The following TMEM150B variants were observed in gnomAD, a reference collection of about 807,000 sequenced individuals.
TMEM150B encodes the protein modulator of macroautophagy TMEM150B.
A neutral mutation model predicts 25.2 loss-of-function variants in TMEM150B; 33 were observed. The ratio of observed to expected loss-of-function variants is 1.31; its 90% CI spans 0.99 to 1.75. TMEM150B has a LOEUF of 1.75. TMEM150B is among the 40% of genes most tolerant of loss of function. The pLI, the probability that TMEM150B is intolerant of heterozygous loss-of-function variation, is 0.00. For synonymous variants in TMEM150B, 133 were observed against 134.8 expected, an observed-to-expected ratio of 0.99 and a Z score of 0.09; for missense variants, 322 against 306.1, an observed-to-expected ratio of 1.05 and a Z score of -0.39.
At chr19:55,317,472 C>A (rs2089043841) in intron 6 of TMEM150B, among the ~76,000 whole-genome samples, 2 of 152,028 alleles carry the variant, frequency 1.3e-5, no homozygotes, top group East Asian at 3.9e-4. Flanking sequence ...ATGGCAAAAC[C>A]TCGTCTCTAC....
downstream of TMEM150B, chr19:55,312,651 G>A (rs188736090): frequency 9.1e-4 from 472 of 519,982 alleles, 3 homozygotes; most frequent in African/African-American, 6.9e-3. Context: ...GGCAGGGCCC[G>A]AAGGCGGGGA....
chr19:55,311,818 C>T (rs553063502), downstream of TMEM150B: 14 of 1,364,372 alleles, frequency 1.0e-5, no homozygotes, highest in African/African-American at 8.7e-5. Flanking sequence ...TTACTGAGAC[C>T]GACTGATGAG....
intron 6 of TMEM150B, 147 bp downstream of exon 6, chr19:55,319,892 G>C: frequency 6.9e-7 from 1 of 1,459,308 alleles, no homozygotes; most frequent in Non-Finnish European, 9.0e-7. Context: ...GCCGGTCCAA[G>C]GCCACTGGCC....
At chr19:55,313,508 C>A (rs1055780849) in intron 7 of TMEM150B, among the ~76,000 whole-genome samples, 3 of 152,164 alleles carry the variant, frequency 2.0e-5, no homozygotes, top group African/African-American at 7.2e-5. Context: ...ACAGGCCCTT[C>A]CTGCTCACTC....
chr19:55,322,821 C>T, intron 1 of TMEM150B, 78 bp from the exon 2 acceptor site: 1 of 666,160 alleles, frequency 1.5e-6, no homozygotes, highest in Non-Finnish European at 1.9e-6. Flanking sequence ...CTCTCTGTCC[C>T]CAAACCACCG....
At chr19:55,314,269 G>A (rs2088919666) in intron 7 of TMEM150B, among the ~76,000 whole-genome samples, 2 of 152,086 alleles carry the variant, frequency 1.3e-5, no homozygotes, top group Non-Finnish European at 2.9e-5. Flanking sequence ...TCATCCGCCC[G>A]CCTTAGTCTC....
At chr19:55,312,116 T>G, downstream of TMEM150B, 3 of 781,008 alleles carry the variant, frequency 3.8e-6, no homozygotes, top group Non-Finnish European at 3.9e-6. Context: ...CCCCCTTCCG[T>G]GCCCCCCAAC....
chr19:55,314,961 A>AC (rs986315745), intron 7 of TMEM150B, among the ~76,000 whole-genome samples: 1 of 151,620 alleles, frequency 6.6e-6, no homozygotes, highest in Non-Finnish European at 1.5e-5. Context: ...AATGAGAAAG[A>AC]CCCCCCAAGG....
At chr19:55,313,149 G>T (rs1033514683) in intron 7 of TMEM150B, 94 bp from the exon 8 acceptor site, 2 of 1,328,358 alleles carry the variant, frequency 1.5e-6, no homozygotes, top group Non-Finnish European at 2.0e-6. Flanking sequence ...GGCCGTCTCT[G>T]GGTGTCCCCA....
chr19:55,320,022 C>T lies in TMEM150B; in HGVS notation c.324+17G>A. 6.2e-7 allele frequency: 1 copy of T among 1,613,956 alleles called. No individual in the cohort carries two copies. Among genetic ancestry groups the T allele is most frequent in the Non-Finnish European group, 8.5e-7 (1 of 1,179,958 alleles). On this transcript the variant is annotated intron_variant, in intron 6 of 7. Transcript: ENST00000326652. Reference sequence around the variant, plus strand: ...GACGCCGGCCGGGACAGACCCTGGGCGCCGACTGGGTCTCACCTGGAAATT... The same window carrying T: ...GACGCCGGCCGGGACAGACCCTGGGTGCCGACTGGGTCTCACCTGGAAATT...
chr19:55,316,250 C>T (rs1313254266), intron 7 of TMEM150B, among the ~76,000 whole-genome samples: 1 of 152,156 alleles, frequency 6.6e-6, no homozygotes, highest in Non-Finnish European at 1.5e-5. Flanking sequence ...CAGAATGCCT[C>T]TCAGAGCCTG....
downstream of TMEM150B, chr19:55,312,245 G>T: frequency 2.8e-6 from 1 of 362,870 alleles, no homozygotes. Flanking sequence ...GGTTCTAGGG[G>T]AACAGGGGGC....
intron 6 of TMEM150B, 38 bp downstream of exon 6, chr19:55,320,001 C>T (rs766683002): frequency 4.3e-6 from 7 of 1,612,850 alleles, no homozygotes; most frequent in Non-Finnish European, 5.9e-6. Context: ...GTTCCAGACG[C>T]CGGCCGGGAC....
At chr19:55,311,231 G>A (rs1396044884), downstream of TMEM150B, among the ~76,000 whole-genome samples, 1 of 152,112 alleles carries the variant, frequency 6.6e-6, no homozygotes, top group African/African-American at 2.4e-5. Context: ...CAAAATGCTG[G>A]GATTACAGGC....
intron 7 of TMEM150B, among the ~76,000 whole-genome samples, chr19:55,314,291 G>T (rs923011273): frequency 1.3e-5 from 2 of 152,124 alleles, no homozygotes; most frequent in African/African-American, 4.8e-5. Flanking sequence ...CAAAGCGCTG[G>T]GATTATGGGC....
chr19:55,312,022 CCAAGGA>C, downstream of TMEM150B: 1 of 1,509,974 alleles, frequency 6.6e-7, no homozygotes, highest in Non-Finnish European at 8.9e-7. Context: ...CGAGGCCCCC[CCAAGGA>C]CAAGAAGCTC....
At chr19:55,319,338 C>T (rs1005615530) in intron 6 of TMEM150B, 1 of 151,554 alleles carries the variant, frequency 6.6e-6, no homozygotes, top group Non-Finnish European at 1.5e-5. Context: ...GTCTCCAACT[C>T]CTGACCTCAG....
intron 4 of TMEM150B, 33 bp downstream of exon 4, chr19:55,320,524 AT>A: frequency 6.2e-7 from 1 of 1,613,114 alleles, no homozygotes. Context: ...TGCAGCGGCG[AT>A]CCCCCCAAAT....
Position 55,321,046 on chromosome 19 carries a change from T to C in TMEM150B, c.-10A>G. ...ACAGGTAGCCCCACATGCCGGGCTC[T>C]GCAGGTGAAGGATCGGGGCTGAGGC... On this transcript the variant is annotated 5_prime_UTR_variant, in exon 3 of 8. Transcript: ENST00000326652. 1 of 1,612,954 alleles carries C rather than the reference T, an allele frequency of 6.2e-7. No homozygotes were observed. Among genetic ancestry groups the C allele is most frequent in the Non-Finnish European group, 8.5e-7 (1 of 1,179,408 alleles).
Sources: allele counts gnomAD v4.1 joint callset (sites outside exome capture counted in the v4.1 genomes callset), GRCh38; gene constraint gnomAD v4.1.1; transcripts MANE v1.5; gene names NCBI Gene and HGNC (gene_info 2026-07-23, HGNC 2026-07-21).